The following PTPN7 variants were observed in gnomAD, a reference collection of about 807,000 sequenced individuals.
The protein encoded by PTPN7 is tyrosine-protein phosphatase non-receptor type 7.
In PTPN7, 33 loss-of-function variants were observed where a neutral mutation model predicts 50.3. The observed-to-expected ratio is 0.66, with a 90% CI of 0.50 to 0.88. The LOEUF (loss-of-function observed/expected upper bound fraction) is 0.88. Among genes scored for constraint, PTPN7 ranks in the 40% least tolerant of loss-of-function variants. The pLI, the probability that PTPN7 is intolerant of heterozygous loss-of-function variation, is 0.00. For missense variants in PTPN7, 412 were observed against 475.4 expected (o/e 0.87, Z 1.24); for synonymous variants, 185 against 186.6 (o/e 0.99, Z 0.07).
rs1196292235 is a variant in PTPN7, at chr1:202,159,860, G to A, written c.-52-406C>T. On this transcript the variant is annotated intron_variant, in intron 1 of 9. Transcript: ENST00000691036. The surrounding 1 kb of genome is among the most constrained non-coding windows in gnomAD (Gnocchi z 4.6). Reference sequence around the variant, plus strand: ...AAGCCATCTCTGAGCTAACCAGTGGGCCTTCCCCTGAACAGAGAATGGAGG... The same window carrying A: ...AAGCCATCTCTGAGCTAACCAGTGGACCTTCCCCTGAACAGAGAATGGAGG... 2.8e-6 allele frequency: 3 copies of A among 1,053,762 alleles called. No individual in the cohort carries two copies. Among genetic ancestry groups the A allele is most frequent in the African/African-American group, 1.7e-5 (1 of 59,668 alleles). The allele number at this position is 1,053,762 out of a possible 1,614,324, so 65.3% of individuals were successfully genotyped here.
chr1:202,148,838 A>G (rs961337374), intron 9 of PTPN7, 139 bp from the exon 10 acceptor site: 5 of 342,588 alleles, frequency 1.5e-5, no homozygotes, highest in African/African-American at 2.8e-5. Flanking sequence ...GCCTATATTC[A>G]TCTTTTCACT....
In PTPN7 at chr1:202,149,829, G is replaced by GTTTTTTTTTT. The variant is rs67499965; in HGVS notation, c.989+472_989+481dup. ...ATTCCAGACAGATATTCTTTTTTTT[G>GTTTTTTTTTT]TTTTTTTTTTTTTTTTTTTTTGAGT... On this transcript the variant is annotated intron_variant, in intron 9 of 9. Transcript: ENST00000691036. 8 of 92,916 alleles carry GTTTTTTTTTT rather than the reference G, an allele frequency of 8.6e-5. 1 individual carries two copies. Among genetic ancestry groups the GTTTTTTTTTT allele is most frequent in the Admixed American group, 3.5e-4 (3 of 8,518 alleles). 5.8% of individuals were successfully genotyped at this position (92,916 alleles called of 1,614,324 possible).
At chr1:202,160,670 C>G, upstream of PTPN7, 3 of 1,550,594 alleles carry the variant, frequency 1.9e-6, no homozygotes, top group Non-Finnish European at 2.6e-6. The surrounding 1 kb of genome is among the most constrained non-coding windows in gnomAD (Gnocchi z 4.8). Context: ...CTGCCACCCA[C>G]GCACACCCCA....
rs1278378225 is a variant in PTPN7 at position 202,158,302 on chromosome 1, C to T, written c.123-1G>A. 6.2e-7 allele frequency: 1 copy of T among 1,613,894 alleles called. No homozygotes were observed. The highest frequency in any genetic ancestry group is 1.7e-5 in the Admixed American group (1 of 59,982). ...CATCAGAGCCACATTGGAGCCCCGC[C>T]TGCAGGCATAGCCCACCACTGCCTA... On this transcript the variant is annotated splice_acceptor_variant, in intron 2 of 9. Transcript: ENST00000691036. LOFTEE classifies it high-confidence loss of function.
chr1:202,156,983 C>T (rs1656736256), intron 4 of PTPN7, among the ~76,000 whole-genome samples: 1 of 152,230 alleles, frequency 6.6e-6, no homozygotes. Context: ...CTGTCTCCAT[C>T]TGACTTTCTC....
chr1:202,158,121 G>C lies in PTPN7; in HGVS notation c.303C>G (p.Phe101Leu). The C allele has an allele frequency of 6.3e-7, 1 of 1,590,328 alleles. No individual in the cohort carries two copies. Among genetic ancestry groups the C allele is most frequent in the Non-Finnish European group, 8.6e-7 (1 of 1,169,094 alleles). Residue 101 changes from phenylalanine to leucine, a missense_variant, in exon 3 of 10, where the codon TTC (phenylalanine) becomes TTG (leucine). Physicochemically the swap from Phe to Leu is conservative, Grantham distance 22 (BLOSUM62 0). Coordinates refer to ENST00000691036, the MANE Select transcript of PTPN7 (RefSeq NM_002832.4). ...PPSPKQLEEE[F>L]LKIPSNFVSP... ...AGAGGGGACCCCAATTTCTTACCAA[G>C]AATTCTTCTTCCAGTTGCTTGGGGC...
At position 202,153,734 on chromosome 1, in the gene PTPN7, G is replaced by T; in HGVS notation, c.708C>A (p.Leu236=). The T allele has an allele frequency of 6.2e-7, 1 of 1,613,664 alleles. No individual in the cohort carries two copies. Among genetic ancestry groups the T allele is most frequent in the South Asian group, 1.1e-5 (1 of 91,066 alleles). The stretch of plus-strand genomic sequence containing the variant: ...TCCGGGGGGGTGGTACCTGGATGGT[G>T]AGCTGCCGCACAGTGTATTCTGGGC... The part of the protein sequence containing the change: ...KECPEYTVRQ[L]TIQYQEERRS... The change falls in exon 7 of 10, where the codon CTC becomes CTA. Residue 236 remains leucine, a synonymous_variant. Transcript: ENST00000691036.
Position 202,153,822 on chromosome 1 carries a change from T to C in PTPN7, c.620A>G (p.Tyr207Cys). 6.2e-7 allele frequency: 1 copy of C among 1,613,456 alleles called. No individual in the cohort carries two copies. The highest frequency in any genetic ancestry group is 8.5e-7 in the Non-Finnish European group (1 of 1,179,442). ...LREGKEKCVHYWPTEEETYGP... is the reference protein window; with the variant it reads ...LREGKEKCVHCWPTEEETYGP... ...ATAGGTTTCCTCTTCTGTGGGCCAG[T>C]AGTGGACACATTTCTAGGAGGGAGG... Residue 207 changes from tyrosine to cysteine, a missense_variant, in exon 7 of 10, where the codon TAC (tyrosine) becomes TGC (cysteine). Transcript: ENST00000691036.
At chr1:202,157,954 G>A (rs1323779103) in intron 3 of PTPN7, 131 bp from the exon 4 acceptor site, 1 of 1,225,086 alleles carries the variant, frequency 8.2e-7, no homozygotes, top group Admixed American at 2.3e-5. Flanking sequence ...TGGGGTGGGG[G>A]CAGAAGGGGA....
Position 202,159,613 on chromosome 1 carries a change from G to C in PTPN7, c.-52-159C>G. 3 of 1,479,282 alleles carry C rather than the reference G, an allele frequency of 2.0e-6. No homozygotes were observed. The highest frequency in any genetic ancestry group is 2.7e-6 in the Non-Finnish European group (3 of 1,119,002). 91.6% of individuals were successfully genotyped at this position (1,479,282 alleles called of 1,614,324 possible). A position where few individuals can be genotyped will look rare whatever the true frequency, so the allele number is the denominator to read the frequency against. On this transcript the variant is annotated intron_variant, in intron 1 of 9. Transcript: ENST00000691036. This position sits in a 1 kb window ranked among gnomAD's most constrained non-coding sequence, Gnocchi z 4.6. The stretch of plus-strand genomic sequence containing the variant: ...ACTAAGGGAAGGACAGGATCTATTT[G>C]GTGGGACCCAGGGCAGAAGGCAGTC...
chr1:202,155,530 C>T lies in PTPN7; in HGVS notation c.468+3G>A. 6.5e-7 allele frequency: 1 copy of T among 1,542,570 alleles called. No individual in the cohort carries two copies. The highest frequency in any genetic ancestry group is 1.7e-5 in the Admixed American group (1 of 59,878). On this transcript the variant is annotated splice_donor_region_variant and intron_variant, in intron 5 of 9. Transcript: ENST00000691036. ...CGCCCACCACTGCAGCCAGGCCACT[C>T]ACTCGGATGTAGTTGGCATTGATGT...
At chr1:202,155,293 G>A (rs1656527834) in intron 5 of PTPN7, among the ~76,000 whole-genome samples, 1 of 152,162 alleles carries the variant, frequency 6.6e-6, no homozygotes, top group African/African-American at 2.4e-5. Context: ...GACTGATAGT[G>A]GAGGTTAGGG....
chr1:202,154,257 AGTCCGACACAGT>A lies in PTPN7; in HGVS notation c.523_534del (p.Thr175_Asp178del). ...TCCTCTTGCCACACCATCTCCCAGA[AGTCCGACACAGT>A]GTTGGGCATGGGGCCCTGGGTGGCA... On this transcript the variant is annotated inframe_deletion, in exon 6 of 10. Coordinates refer to ENST00000691036, the MANE Select transcript of PTPN7 (RefSeq NM_002832.4). The A allele has an allele frequency of 6.2e-7, 1 of 1,614,172 alleles. No homozygotes were observed. Among genetic ancestry groups the A allele is most frequent in the Middle Eastern group, 1.7e-4 (1 of 6,052 alleles).
chr1:202,149,590 C>T (rs1027100215), intron 9 of PTPN7, among the ~76,000 whole-genome samples: 2 of 151,244 alleles, frequency 1.3e-5, no homozygotes, highest in African/African-American at 4.9e-5. Flanking sequence ...CCCAGGAGTT[C>T]GAGACTAGTC....
chr1:202,160,100 G>T lies in PTPN7; in HGVS notation c.-53+445C>A. The T allele has an allele frequency of 1.8e-6, 1 of 565,430 alleles. No individual in the cohort carries two copies. The highest frequency in any genetic ancestry group is 2.3e-6 in the Non-Finnish European group (1 of 440,948). 35.0% of individuals were successfully genotyped at this position (565,430 alleles called of 1,614,324 possible). ...CCGTCACAGGAAATGGCCTCACCAAGCCCTTGAACGACAGCGCATGGTGAG... is the reference window on the plus strand; with the variant it reads ...CCGTCACAGGAAATGGCCTCACCAATCCCTTGAACGACAGCGCATGGTGAG... On this transcript the variant is annotated intron_variant, in intron 1 of 9. Coordinates refer to ENST00000691036, the MANE Select transcript of PTPN7 (RefSeq NM_002832.4). The surrounding 1 kb of genome is among the most constrained non-coding windows in gnomAD (Gnocchi z 4.8).
intron 8 of PTPN7, among the ~76,000 whole-genome samples, chr1:202,150,625 G>A (rs1361769391): frequency 6.6e-6 from 1 of 152,204 alleles, no homozygotes; most frequent in Non-Finnish European, 1.5e-5. Context: ...ATTGGCATGG[G>A]AGGAGTTTAC....
Position 202,159,936 on chromosome 1 carries a change from A to G in PTPN7, c.-52-482T>C. 1 of 1,005,930 alleles carries G rather than the reference A, an allele frequency of 9.9e-7. No homozygotes were observed. The highest frequency in any genetic ancestry group is 1.2e-6 in the Non-Finnish European group (1 of 843,140). 62.3% of individuals were successfully genotyped at this position (1,005,930 alleles called of 1,614,324 possible). On this transcript the variant is annotated intron_variant, in intron 1 of 9. Transcript: ENST00000691036. The surrounding 1 kb of genome is among the most constrained non-coding windows in gnomAD (Gnocchi z 4.6). The stretch of plus-strand genomic sequence containing the variant: ...GGCAGCCAGGCAGGCGGGCTCCTGG[A>G]CCCCAGCAGGGTCCTCTCCTAACTG...
intron 5 of PTPN7, among the ~76,000 whole-genome samples, chr1:202,154,542 A>T (rs1342612333): frequency 6.6e-6 from 1 of 152,198 alleles, no homozygotes; most frequent in African/African-American, 2.4e-5. Flanking sequence ...TGGCTGTACC[A>T]CTATAAGCCA....
Position 202,150,306 on chromosome 1 carries a change from C to G in PTPN7, c.989+5G>C. The G allele has an allele frequency of 6.2e-7, 1 of 1,605,834 alleles. No individual in the cohort carries two copies. The highest frequency in any genetic ancestry group is 8.5e-7 in the Non-Finnish European group (1 of 1,175,122). Reference sequence around the variant, plus strand: ...TGTTGGCCTTGTTTACACCCACAGACCCACCTGTCTAGCCGCAGTTGGCAC... The same window carrying G: ...TGTTGGCCTTGTTTACACCCACAGAGCCACCTGTCTAGCCGCAGTTGGCAC... On this transcript the variant is annotated splice_donor_5th_base_variant and intron_variant, in intron 9 of 9. Transcript: ENST00000691036.
Sources: gnomAD v4.1 joint callset for allele counts (sites outside exome capture counted in the v4.1 genomes callset) on GRCh38, gnomAD v4.1.1 for gene constraint, Gnocchi (gnomAD v3.1) non-coding constraint, MANE v1.5 for transcripts, NCBI Gene and HGNC (gene_info 2026-07-23, HGNC 2026-07-21) for gene names.